The following PKIG variants were observed in gnomAD, a reference collection of about 807,000 sequenced individuals.
PKIG encodes cAMP-dependent protein kinase inhibitor gamma.
Under a neutral mutation model 6.8 loss-of-function variants are expected in PKIG, and 1 was observed. The observed-to-expected ratio is 0.15, with a 90% CI of 0.05 to 0.69. PKIG has a LOEUF of 0.69. Among genes scored for constraint, PKIG ranks in the 30% least tolerant of loss-of-function variants. PKIG has a pLI of 0.82. For synonymous variants in PKIG, 39 were observed against 43.0 expected (o/e 0.91, Z 0.36); for missense variants, 77 against 104.0 (o/e 0.74, Z 1.13).
chr20:44,605,399 T>C (rs1276916914), intron 2 of PKIG, among the ~76,000 whole-genome samples: 7 of 94,194 alleles, frequency 7.4e-5, no homozygotes, highest in Admixed American at 1.5e-4. Context: ...AGAGTGAGAC[T>C]CCGTCTCAAA....
chr20:44,539,373 A>C (rs2064540397), intron 1 of PKIG, among the ~76,000 whole-genome samples: 1 of 151,916 alleles, frequency 6.6e-6, no homozygotes, highest in Non-Finnish European at 1.5e-5. Context: ...AATGCAGCCC[A>C]GGACAGCTTT....
intron 1 of PKIG, among the ~76,000 whole-genome samples, chr20:44,553,919 G>C (rs2064690528): frequency 6.6e-6 from 1 of 152,090 alleles, no homozygotes; most frequent in Non-Finnish European, 1.5e-5. Flanking sequence ...ATGCTGAAAT[G>C]AGCTATGAGT....
chr20:44,536,034 A>G (rs1222405121), intron 1 of PKIG, among the ~76,000 whole-genome samples: 1 of 152,136 alleles, frequency 6.6e-6, no homozygotes, highest in East Asian at 1.9e-4. Context: ...GTTACTCTGG[A>G]TACATCGTGT....
intron 1 of PKIG, among the ~76,000 whole-genome samples, chr20:44,565,245 G>A (rs1568813414): frequency 6.6e-6 from 1 of 152,118 alleles, no homozygotes; most frequent in Non-Finnish European, 1.5e-5. Context: ...GGACTATAGA[G>A]TTGAATAAAA....
intron 1 of PKIG, among the ~76,000 whole-genome samples, chr20:44,555,681 A>G (rs1300153904): frequency 1.3e-5 from 2 of 152,148 alleles, no homozygotes; most frequent in Admixed American, 6.5e-5. Flanking sequence ...GTGTGTGTAT[A>G]TGTGTATAGA....
chr20:44,550,044 G>A (rs147691159), intron 1 of PKIG, among the ~76,000 whole-genome samples: 1 of 150,922 alleles, frequency 6.6e-6, no homozygotes, highest in South Asian at 2.1e-4. Context: ...ATTTTATCTA[G>A]CACCTGAGGT....
chr20:44,565,343 G>A (rs1449973936), intron 1 of PKIG, among the ~76,000 whole-genome samples: 1 of 152,164 alleles, frequency 6.6e-6, no homozygotes, highest in East Asian at 1.9e-4. Context: ...AGTGTTATTG[G>A]GGGCATGTAT....
chr20:44,614,257 G>A lies in PKIG; in HGVS notation c.-23-277G>A, dbSNP rs4810428. 0.021 allele frequency: 5,469 copies of A among 259,330 alleles called. 260 individuals carry two copies. Among genetic ancestry groups the A allele is most frequent in the Admixed American group, 0.14 (2,810 of 19,550 alleles). The allele number at this position is 259,330 out of a possible 1,614,324, so 16.1% of individuals were successfully genotyped here. ...GGTGGTATCTGTGCCAGTGCCTGGCGCATGGTATTAATAAATGTGTGTACA... is the reference window on the plus strand; with the variant it reads ...GGTGGTATCTGTGCCAGTGCCTGGCACATGGTATTAATAAATGTGTGTACA... On this transcript the variant is annotated intron_variant, in intron 2 of 3. Transcript: ENST00000372886. This position sits in a 1 kb window ranked among gnomAD's most constrained non-coding sequence, Gnocchi z 4.6.
In PKIG at chr20:44,618,304, C is replaced by T. The variant is rs776725519; in HGVS notation, c.171C>T (p.Ser57=). Residue 57 remains serine, a synonymous_variant, in exon 4 of 4, where the codon AGC becomes AGT. Transcript: ENST00000372886. ...CTCCAGAAGGACAGGTGGAGGGAAG[C>T]GCCCCAGACAAGGAAGCTGGCAACC... ...LEGAEGQVEG[S]APDKEAGNQP... 14 of 1,612,136 alleles carry T rather than the reference C, an allele frequency of 8.7e-6. No individual in the cohort carries two copies. Among genetic ancestry groups the T allele is most frequent in the Admixed American group, 3.3e-5 (2 of 59,992 alleles).
chr20:44,616,475 A>C (rs2065265801), intron 3 of PKIG, among the ~76,000 whole-genome samples: 2 of 151,608 alleles, frequency 1.3e-5, no homozygotes, highest in Non-Finnish European at 2.9e-5. Context: ...CTGTGTCCTC[A>C]CCCTCAGCTC....
chr20:44,534,484 T>C (rs1237511921), intron 1 of PKIG, among the ~76,000 whole-genome samples: 2 of 152,114 alleles, frequency 1.3e-5, no homozygotes, highest in Non-Finnish European at 2.9e-5. Context: ...TTTTTTTTTT[T>C]TTGGGACAGG....
At chr20:44,534,757 C>T (rs903290228) in intron 1 of PKIG, among the ~76,000 whole-genome samples, 1 of 152,210 alleles carries the variant, frequency 6.6e-6, no homozygotes, top group Non-Finnish European at 1.5e-5. Context: ...GCATGAGCCA[C>T]TGCGCCCGGC....
At chr20:44,607,893 C>T (rs2065181016) in intron 2 of PKIG, among the ~76,000 whole-genome samples, 1 of 152,050 alleles carries the variant, frequency 6.6e-6, no homozygotes, top group South Asian at 2.1e-4. Flanking sequence ...GCCATGTTGG[C>T]CAGGATGGTC....
rs549992361 is a variant in PKIG, at chr20:44,542,742, G to T, written c.-241+10764G>T. Among the ~76,000 whole-genome samples the T allele has an allele frequency of 2.5e-4, 38 of 152,174 alleles. 1 individual carries two copies. In the South Asian group the frequency reaches 7.7e-3, roughly 31 times the overall value. On this transcript the variant is annotated intron_variant, in intron 1 of 4. Transcript: ENST00000372887. Reference sequence around the variant, plus strand: ...CCAGTATCTGGGACTACAGGCATGCGCCACAATACCCAGCTAATTTTTGTA... The same window carrying T: ...CCAGTATCTGGGACTACAGGCATGCTCCACAATACCCAGCTAATTTTTGTA...
rs747570897 is a variant in PKIG at position 44,614,717 on chromosome 20, AGCAGGTCCTTGG to A, written c.151+11_151+22del. ...GCACTCGAGGGGGCAGGTTAGAGCC[AGCAGGTCCTTGG>A]CACTACTGCATGCCAGAGGCCCTCT... is the stretch of plus-strand genomic sequence containing the variant. On this transcript the variant is annotated intron_variant, in intron 3 of 3. Transcript: ENST00000372886. This position sits in a 1 kb window ranked among gnomAD's most constrained non-coding sequence, Gnocchi z 4.6. 26 of 1,613,420 alleles carry A rather than the reference AGCAGGTCCTTGG, an allele frequency of 1.6e-5. No homozygotes were observed. The highest frequency in any genetic ancestry group is 1.2e-5 in the Non-Finnish European group (14 of 1,179,976).
At chr20:44,610,492 T>TCACA (rs1568835327) in intron 2 of PKIG, among the ~76,000 whole-genome samples, 75 of 116,074 alleles carry the variant, frequency 6.5e-4, no homozygotes, top group African/African-American at 3.0e-3. Context: ...CTCTTCTCTC[T>TCACA]CTCTCTCTCA....
intron 2 of PKIG, among the ~76,000 whole-genome samples, chr20:44,593,117 G>A (rs1412589245): frequency 1.3e-5 from 2 of 151,450 alleles, no homozygotes; most frequent in East Asian, 1.9e-4. Flanking sequence ...GCGGGAGTTC[G>A]AGACCAACCT....
At chr20:44,568,913 G>C (rs1002423940) in intron 1 of PKIG, among the ~76,000 whole-genome samples, 1 of 152,226 alleles carries the variant, frequency 6.6e-6, no homozygotes, top group Non-Finnish European at 1.5e-5. Flanking sequence ...CAGTGCTGAA[G>C]TGAACAACTT....
intron 2 of PKIG, among the ~76,000 whole-genome samples, chr20:44,590,175 A>G (rs1248328122): frequency 6.6e-6 from 1 of 152,184 alleles, no homozygotes; most frequent in East Asian, 1.9e-4. Context: ...AGCAGGTGGA[A>G]TCATACACAG....
Sources: allele counts gnomAD v4.1 joint callset (sites outside exome capture counted in the v4.1 genomes callset), GRCh38; gene constraint gnomAD v4.1.1; non-coding constraint Gnocchi (gnomAD v3.1); transcripts MANE v1.5; gene names NCBI Gene and HGNC (gene_info 2026-07-23, HGNC 2026-07-21).